Variants in FOXN3 observed in about 807,000 individuals in gnomAD.
The protein encoded by FOXN3 is forkhead box N3, also known as forkhead box protein N3.
FOXN3 carries 7 observed loss-of-function variants against 38.4 expected under a neutral mutation model. The observed-to-expected ratio is 0.18, with a 90% CI of 0.10 to 0.34. FOXN3 has a LOEUF of 0.34. Ranked by LOEUF, FOXN3 falls within the 10% of genes least tolerant of loss-of-function variation. The pLI, the probability that FOXN3 is intolerant of heterozygous loss-of-function variation, is 1.00. For synonymous variants in FOXN3, 230 were observed against 242.2 expected (o/e 0.95, Z 0.47); for missense variants, 456 against 613.4 (o/e 0.74, Z 2.71).
At chr14:89,442,885 CACTACAGTGCCAGAAT>C (rs1192130485) in intron 1 of FOXN3, among the ~76,000 whole-genome samples, 2 of 152,338 alleles carry the variant, frequency 1.3e-5, no homozygotes, top group African/African-American at 4.8e-5. Flanking sequence ...GGTGCTTTCA[CACTACAGTGCCAGAAT>C]ACTACAGTTG....
At chr14:89,574,345 A>G (rs1895555099) in intron 1 of FOXN3, among the ~76,000 whole-genome samples, 1 of 152,226 alleles carries the variant, frequency 6.6e-6, no homozygotes, top group Admixed American at 6.5e-5. Context: ...TCTAATAAGG[A>G]CATATTCGTT....
chr14:89,575,820 T>A (rs1184213937), intron 1 of FOXN3, among the ~76,000 whole-genome samples: 1 of 152,232 alleles, frequency 6.6e-6, no homozygotes, highest in Non-Finnish European at 1.5e-5. Context: ...GTCGTGGCCA[T>A]GTGATTGGCT....
At chr14:89,254,800 T>C (rs2139883866) in intron 4 of FOXN3, among the ~76,000 whole-genome samples, 1 of 152,222 alleles carries the variant, frequency 6.6e-6, no homozygotes, top group East Asian at 1.9e-4. Flanking sequence ...GAGATACTAG[T>C]CCTACTCACC....
rs113597718 is a variant in FOXN3 at position 89,174,829 on chromosome 14, C to T, written c.851+5872G>A. ...ACCTAGCTCTTTAGTATTTTCTCTT[C>T]TCCTCCCACTACAAAGCAAAATCTA... is the stretch of plus-strand genomic sequence containing the variant. On this transcript the variant is annotated intron_variant, in intron 5 of 5. Coordinates refer to ENST00000557258, the MANE Select transcript of FOXN3 (RefSeq NM_005197.4). Among the ~76,000 whole-genome samples the T allele has an allele frequency of 5.9e-3, 896 of 152,270 alleles. 14 individuals are homozygous for T. The highest frequency in any genetic ancestry group is 0.02 in the African/African-American group (845 of 41,560).
intron 4 of FOXN3, among the ~76,000 whole-genome samples, chr14:89,260,375 C>A (rs1885759892): frequency 6.6e-6 from 1 of 152,260 alleles, no homozygotes; most frequent in Non-Finnish European, 1.5e-5. Flanking sequence ...GAGAGCCCGA[C>A]CACTGCGGCA....
chr14:89,553,563 C>T (rs969492444), intron 1 of FOXN3, among the ~76,000 whole-genome samples: 6 of 152,260 alleles, frequency 3.9e-5, no homozygotes, highest in African/African-American at 1.4e-4. Context: ...TGAGTCACAT[C>T]TCAAGATGTC....
chr14:89,426,943 AGAG>A (rs1308789854), intron 1 of FOXN3, among the ~76,000 whole-genome samples: 1 of 151,234 alleles, frequency 6.6e-6, no homozygotes, highest in East Asian at 1.9e-4. Flanking sequence ...GAGAAATAGA[AGAG>A]GAGGGCCGGG....
intron 1 of FOXN3, among the ~76,000 whole-genome samples, chr14:89,428,763 A>C (rs1284756008): frequency 6.6e-6 from 1 of 152,262 alleles, no homozygotes; most frequent in Non-Finnish European, 1.5e-5. Context: ...GCAGGGGTCC[A>C]AGCACCTGGC....
chr14:89,272,080 C>T (rs898406214), intron 4 of FOXN3, among the ~76,000 whole-genome samples: 6 of 152,136 alleles, frequency 3.9e-5, no homozygotes, highest in Admixed American at 2.6e-4. Flanking sequence ...GAGGCCGAGG[C>T]GGGTGGATCA....
chr14:89,394,612 G>A (rs902209272), intron 2 of FOXN3, among the ~76,000 whole-genome samples: 1 of 152,208 alleles, frequency 6.6e-6, no homozygotes. Flanking sequence ...AGTGTACAGA[G>A]AGAAAGAAAA....
intron 3 of FOXN3, among the ~76,000 whole-genome samples, chr14:89,297,760 T>C (rs1443714704): frequency 6.6e-6 from 1 of 152,068 alleles, no homozygotes; most frequent in Non-Finnish European, 1.5e-5. Context: ...GGAGAATTGC[T>C]TGAGGCTAGG....
At chr14:89,606,528 T>A (rs1317288797) in intron 1 of FOXN3, among the ~76,000 whole-genome samples, 1 of 152,160 alleles carries the variant, frequency 6.6e-6, no homozygotes, top group Admixed American at 6.5e-5. Flanking sequence ...CTAATACATG[T>A]GCAAAATTTG....
chr14:89,229,370 A>T (rs1468408444), intron 4 of FOXN3, among the ~76,000 whole-genome samples: 5 of 152,228 alleles, frequency 3.3e-5, no homozygotes, highest in Non-Finnish European at 2.9e-5. Context: ...AAAAGTATTT[A>T]TTAAGCTCTT....
At chr14:89,536,752 T>A (rs1894695624) in intron 1 of FOXN3, among the ~76,000 whole-genome samples, 1 of 151,870 alleles carries the variant, frequency 6.6e-6, no homozygotes, top group Non-Finnish European at 1.5e-5. Context: ...CACTCCAGCC[T>A]GGGCGACAGA....
intron 1 of FOXN3, among the ~76,000 whole-genome samples, chr14:89,469,568 C>T (rs1196118725): frequency 6.6e-6 from 1 of 152,218 alleles, no homozygotes; most frequent in Non-Finnish European, 1.5e-5. Context: ...TTTCTTTCTC[C>T]ACCTCCTCTG....
intron 4 of FOXN3, among the ~76,000 whole-genome samples, chr14:89,244,419 T>C (rs138472714): frequency 6.6e-6 from 1 of 152,322 alleles, no homozygotes; most frequent in African/African-American, 2.4e-5. Flanking sequence ...TGGCCAAATA[T>C]GCTCAGAGTT....
chr14:89,335,470 C>G (rs74078099), intron 3 of FOXN3, among the ~76,000 whole-genome samples: 1 of 152,190 alleles, frequency 6.6e-6, no homozygotes, highest in Non-Finnish European at 1.5e-5. Context: ...ATCATTCCTA[C>G]GATCTAAGTC....
At chr14:89,587,049 C>A (rs1319897170) in intron 1 of FOXN3, among the ~76,000 whole-genome samples, 1 of 152,214 alleles carries the variant, frequency 6.6e-6, no homozygotes, top group Non-Finnish European at 1.5e-5. Context: ...GCTGGTGACT[C>A]CAAAGGGTAC....
At chr14:89,501,418 G>A (rs1357769207) in intron 1 of FOXN3, among the ~76,000 whole-genome samples, 2 of 152,152 alleles carry the variant, frequency 1.3e-5, no homozygotes, top group Admixed American at 6.5e-5. Context: ...CAGAAACCGA[G>A]GGTTTTTCTA....
Sources: gnomAD v4.1 joint callset for allele counts (sites outside exome capture counted in the v4.1 genomes callset) on GRCh38, gnomAD v4.1.1 for gene constraint, MANE v1.5 for transcripts, NCBI Gene and HGNC (gene_info 2026-07-23, HGNC 2026-07-21) for gene names.